The following STXBP6 variants were observed in gnomAD, a reference collection of about 807,000 sequenced individuals.
STXBP6 encodes the protein syntaxin binding protein 6, also known as syntaxin-binding protein 6.
In STXBP6, 21 loss-of-function variants were observed where a neutral mutation model predicts 26.9. The ratio of observed to expected loss-of-function variants is 0.78; its 90% CI spans 0.55 to 1.12. STXBP6 has a LOEUF of 1.12. STXBP6 is among the 50% of genes most tolerant of loss of function. The pLI is 0.00. For missense variants in STXBP6, 232 were observed against 257.9 expected (o/e 0.90, Z 0.69); for synonymous variants, 97 against 92.6 (o/e 1.05, Z -0.27).
At chr14:24,915,754 A>T (rs1236407699) in intron 2 of STXBP6, among the ~76,000 whole-genome samples, 1 of 152,180 alleles carries the variant, frequency 6.6e-6, no homozygotes, top group Non-Finnish European at 1.5e-5. Flanking sequence ...AAACAAATGA[A>T]TGAATGAATC....
rs574255355 is a variant in STXBP6, at chr14:24,819,540, C to T, written c.452-346G>A. 2.0e-4 allele frequency: 102 copies of T among 515,026 alleles called. No homozygotes were observed. The South Asian group carries it at 3.2e-3, about 16-fold the overall frequency. 31.9% of individuals were successfully genotyped at this position (515,026 alleles called of 1,614,324 possible). ...CTTGGCTTGCAAAGATAAATGAAAA[C>T]GTTGACAAGTTCACAGAATTAGGCA... On this transcript the variant is annotated intron_variant, in intron 4 of 5. Coordinates refer to ENST00000323944, the MANE Select transcript of STXBP6 (RefSeq NM_001394410.1).
At chr14:24,829,871 G>A (rs959029652) in intron 4 of STXBP6, among the ~76,000 whole-genome samples, 2 of 152,044 alleles carry the variant, frequency 1.3e-5, no homozygotes, top group South Asian at 2.1e-4. Context: ...GGGTGTGTAT[G>A]TGTAAAAAAT....
intron 1 of STXBP6, among the ~76,000 whole-genome samples, chr14:25,005,543 A>T (rs1305276351): frequency 1.3e-5 from 2 of 152,226 alleles, no homozygotes; most frequent in East Asian, 3.8e-4. Context: ...GCAAATGCAG[A>T]TGTACAAAAA....
At chr14:24,862,287 C>G (rs1251384134) in intron 2 of STXBP6, among the ~76,000 whole-genome samples, 2 of 152,260 alleles carry the variant, frequency 1.3e-5, no homozygotes, top group East Asian at 3.9e-4. Context: ...TGTGAGCCAC[C>G]ATGCCCGACC....
At chr14:24,877,306 A>G (rs1376504572) in intron 2 of STXBP6, among the ~76,000 whole-genome samples, 1 of 152,140 alleles carries the variant, frequency 6.6e-6, no homozygotes, top group East Asian at 1.9e-4. Context: ...TTAAAATTTT[A>G]TTTTAAACAT....
In STXBP6 at chr14:24,865,432, T is replaced by C. The variant is rs559071020; in HGVS notation, c.155-8275A>G. Reference sequence around the variant, plus strand: ...TGCTGAGAACCCAGGGATACCAAGATGGCTAAAATTCTTAAGACAGAGTAC... The same window carrying C: ...TGCTGAGAACCCAGGGATACCAAGACGGCTAAAATTCTTAAGACAGAGTAC... On this transcript the variant is annotated intron_variant, in intron 2 of 5. Transcript: ENST00000323944. Among the ~76,000 whole-genome samples the C allele has an allele frequency of 3.3e-5, 5 of 152,238 alleles. No homozygotes were observed. The East Asian group carries it at 9.7e-4, about 29-fold the overall frequency.
chr14:25,037,629 A>G (rs2075576771), intron 1 of STXBP6, among the ~76,000 whole-genome samples: 1 of 152,170 alleles, frequency 6.6e-6, no homozygotes. Context: ...TTCCAGTGGG[A>G]CTGGGCTCTG....
At chr14:25,038,779 T>G (rs893866465) in intron 1 of STXBP6, among the ~76,000 whole-genome samples, 2 of 151,776 alleles carry the variant, frequency 1.3e-5, no homozygotes, top group African/African-American at 4.8e-5. Flanking sequence ...TTTATCTATA[T>G]AACAAACCTA....
At position 24,872,234 on chromosome 14, in the gene STXBP6, A is replaced by C. The variant is rs368382167; in HGVS notation, c.155-15077T>G. ...AATGGGTCTCAGAAGATAAGCATTG[A>C]GGAGTAAAATGCAAAATAAAATATA... is the stretch of plus-strand genomic sequence containing the variant. On this transcript the variant is annotated intron_variant, in intron 2 of 5. Coordinates refer to ENST00000323944, the MANE Select transcript of STXBP6 (RefSeq NM_001394410.1). 2.2e-3 allele frequency among the ~76,000 whole-genome samples: 330 copies of C among 152,316 alleles called. 1 individual carries two copies. Among genetic ancestry groups the C allele is most frequent in the Middle Eastern group, 0.014 (4 of 294 alleles).
At chr14:24,930,702 TG>T (rs2072352295) in intron 2 of STXBP6, among the ~76,000 whole-genome samples, 1 of 152,206 alleles carries the variant, frequency 6.6e-6, no homozygotes, top group African/African-American at 2.4e-5. Flanking sequence ...GGAGAGACTT[TG>T]GTTCTTTTAT....
intron 2 of STXBP6, among the ~76,000 whole-genome samples, chr14:24,930,153 A>G (rs2072329688): frequency 6.6e-6 from 1 of 152,234 alleles, no homozygotes. Context: ...AAGTGGTAAC[A>G]TATTGCTCAG....
In STXBP6 at chr14:24,809,618, G is replaced by A. The variant is rs1044371755; in HGVS notation, c.*3091C>T. 6.6e-6 allele frequency: 1 copy of A among 152,162 alleles called. No homozygotes were observed. The allele number at this position is 152,162 out of a possible 1,614,324, so 9.4% of individuals were successfully genotyped here. Reference sequence around the variant, plus strand: ...TGGTGACATGTACTTATTTGGTAGTGTTTTATAGAGTTCATAAATAACTGC... The same window carrying A: ...TGGTGACATGTACTTATTTGGTAGTATTTTATAGAGTTCATAAATAACTGC... On this transcript the variant is annotated 3_prime_UTR_variant, in exon 6 of 6. Coordinates refer to ENST00000323944, the MANE Select transcript of STXBP6 (RefSeq NM_001394410.1).
chr14:25,017,873 C>T (rs917151173), intron 1 of STXBP6, among the ~76,000 whole-genome samples: 2 of 151,276 alleles, frequency 1.3e-5, no homozygotes, highest in African/African-American at 4.9e-5. Flanking sequence ...TTGCCTCACC[C>T]GTTGAGTGTG....
chr14:25,001,112 G>A (rs79825474), intron 1 of STXBP6, among the ~76,000 whole-genome samples: 4,978 of 152,194 alleles, frequency 0.033, 294 homozygotes, highest in African/African-American at 0.11. Context: ...ATGTAAAGAC[G>A]GAGGCTTTTT....
chr14:24,867,804 T>C (rs2139300877), intron 2 of STXBP6, among the ~76,000 whole-genome samples: 1 of 152,320 alleles, frequency 6.6e-6, no homozygotes, highest in East Asian at 1.9e-4. Context: ...TTATGAAATA[T>C]AAAGTTAATA....
chr14:24,947,457 A>G (rs1379174987), intron 2 of STXBP6, among the ~76,000 whole-genome samples: 1 of 152,240 alleles, frequency 6.6e-6, no homozygotes, highest in African/African-American at 2.4e-5. Flanking sequence ...AGCATTACAC[A>G]TTCTTAAGAA....
chr14:24,811,820 T>A lies in STXBP6; in HGVS notation c.*889A>T, dbSNP rs2067832681. On this transcript the variant is annotated 3_prime_UTR_variant, in exon 6 of 6. Coordinates refer to ENST00000323944, the MANE Select transcript of STXBP6 (RefSeq NM_001394410.1). ...CAAACATTTTAAATGTACTACTTGTTCACATTATCATTGACACAGACCTTT... is the reference window on the plus strand; with the variant it reads ...CAAACATTTTAAATGTACTACTTGTACACATTATCATTGACACAGACCTTT... The A allele has an allele frequency of 6.6e-6, 1 of 152,174 alleles. No homozygotes were observed. The highest frequency in any genetic ancestry group is 2.1e-4 in the South Asian group (1 of 4,834). 9.4% of individuals were successfully genotyped at this position (152,174 alleles called of 1,614,324 possible).
At position 24,982,085 on chromosome 14, in the gene STXBP6, T is replaced by C. The variant is rs1278373504; in HGVS notation, c.-32-7235A>G. Among the ~76,000 whole-genome samples the C allele has an allele frequency of 2.0e-5, 3 of 152,210 alleles. No individual in the cohort carries two copies. In the East Asian group the frequency reaches 5.8e-4, roughly 29 times the overall value. ...TGAAACAAGGAAACAGGTCAGAGAT[T>C]CTGCAGGACAGTCTTCGTACTCCAC... On this transcript the variant is annotated intron_variant, in intron 1 of 5. Coordinates refer to ENST00000323944, the MANE Select transcript of STXBP6 (RefSeq NM_001394410.1).
chr14:24,995,737 C>CA (rs1445421676), intron 1 of STXBP6, among the ~76,000 whole-genome samples: 5 of 151,570 alleles, frequency 3.3e-5, no homozygotes, highest in East Asian at 3.9e-4. Flanking sequence ...AGCACATGAA[C>CA]AAAAAAAACT....
Sources: gnomAD v4.1 joint callset for allele counts (sites outside exome capture counted in the v4.1 genomes callset) on GRCh38, gnomAD v4.1.1 for gene constraint, MANE v1.5 for transcripts, NCBI Gene and HGNC (gene_info 2026-07-23, HGNC 2026-07-21) for gene names.